LPA: variants seen among roughly 807,000 people sequenced by gnomAD.
LPA encodes apolipoprotein(a).
Under a neutral mutation model 197.9 loss-of-function variants are expected in LPA, and 199 were observed. That is an observed-to-expected ratio of 1.01 (90% CI 0.90 to 1.13). LPA has a LOEUF of 1.13. Ranked by LOEUF, LPA falls within the 50% of genes most tolerant of loss-of-function variation. LPA has a pLI of 0.00. For synonymous variants in LPA, 715 were observed against 639.5 expected (o/e 1.12, Z -1.78); for missense variants, 1,853 against 1,785.8 (o/e 1.04, Z -0.68).
chr6:160,610,455 G>T (rs931696411), intron 16 of LPA, among the ~76,000 whole-genome samples: 1 of 152,122 alleles, frequency 6.6e-6, no homozygotes, highest in Admixed American at 6.5e-5. Flanking sequence ...CATCTAGCTG[G>T]TAAGAACTCC....
chr6:160,600,760 C>A (rs537295658), intron 19 of LPA, among the ~76,000 whole-genome samples, 157 bp downstream of exon 19: 2 of 152,268 alleles, frequency 1.3e-5, no homozygotes, highest in Admixed American at 6.5e-5. Flanking sequence ...ACACCTCTGG[C>A]TCCCCCAGAG....
At chr6:160,558,081 G>C (rs1347454765) in intron 28 of LPA, among the ~76,000 whole-genome samples, 1 of 151,974 alleles carries the variant, frequency 6.6e-6, no homozygotes, top group Non-Finnish European at 1.5e-5. Context: ...CACCACGCCT[G>C]GCTAATTTTT....
chr6:160,581,797 T>C (rs1399869724), intron 26 of LPA, among the ~76,000 whole-genome samples: 1 of 152,174 alleles, frequency 6.6e-6, no homozygotes, highest in Non-Finnish European at 1.5e-5. Context: ...TAAAGATCAG[T>C]TTTGTGAAAA....
At position 160,576,779 on chromosome 6, in the gene LPA, G is replaced by A. The variant is rs1357058996; in HGVS notation, c.4631+357C>T. 6.2e-5 allele frequency among the ~76,000 whole-genome samples: 9 copies of A among 145,906 alleles called. No homozygotes were observed. In the East Asian group the frequency reaches 1.4e-3, roughly 23 times the overall value. On this transcript the variant is annotated intron_variant, in intron 28 of 38. Transcript: ENST00000316300. The stretch of plus-strand genomic sequence containing the variant: ...TGACAAAAATGGCAAACAAACCTTC[G>A]GGAATTGAAATTTAGAATGACAGAA...
At chr6:160,577,860 G>A (rs1308254722) in intron 27 of LPA, among the ~76,000 whole-genome samples, 1 of 152,170 alleles carries the variant, frequency 6.6e-6, no homozygotes, top group Non-Finnish European at 1.5e-5. Context: ...AGTGCCCAGA[G>A]TCCTGAATTG....
At chr6:160,600,892 G>A in intron 19 of LPA, 25 bp downstream of exon 19, 2 of 1,611,246 alleles carry the variant, frequency 1.2e-6, no homozygotes, top group South Asian at 1.1e-5. Context: ...ATCCAAGCAG[G>A]TAAATGTCTG....
intron 16 of LPA, among the ~76,000 whole-genome samples, chr6:160,609,449 C>T (rs1351313256): frequency 6.6e-6 from 1 of 152,090 alleles, no homozygotes; most frequent in East Asian, 1.9e-4. Context: ...TCCAGTTTCT[C>T]GTGAGATGTT....
chr6:160,548,048 G>T, intron 31 of LPA, 111 bp from the exon 32 acceptor site: 1 of 1,118,040 alleles, frequency 8.9e-7, no homozygotes, highest in Non-Finnish European at 1.3e-6. Context: ...TAGGACGACA[G>T]AATCAGGGGC....
intron 24 of LPA, among the ~76,000 whole-genome samples, chr6:160,588,615 T>G (rs1383248728): frequency 6.6e-6 from 1 of 152,184 alleles, no homozygotes; most frequent in Non-Finnish European, 1.5e-5. Flanking sequence ...GCCAAAGCCT[T>G]GAGGAGACTT....
intron 28 of LPA, among the ~76,000 whole-genome samples, chr6:160,565,264 A>G (rs1027979883): frequency 6.6e-6 from 1 of 152,106 alleles, no homozygotes; most frequent in Non-Finnish European, 1.5e-5. Context: ...TAACTGGGGG[A>G]CACCTCCCAG....
chr6:160,662,601 T>C (rs9347438), intron 1 of LPA, among the ~76,000 whole-genome samples: 75,801 of 151,940 alleles, frequency 0.5, 19,257 homozygotes, highest in Non-Finnish European at 0.55. Flanking sequence ...TTCACAGTGA[T>C]CTACATCCTA....
intron 26 of LPA, among the ~76,000 whole-genome samples, chr6:160,581,517 G>C (rs893591682): frequency 2.0e-5 from 3 of 152,042 alleles, no homozygotes; most frequent in African/African-American, 7.2e-5. Context: ...GCCCAGGCTT[G>C]TCTGCAACTC....
At chr6:160,585,741 C>A (rs906229481) in intron 25 of LPA, among the ~76,000 whole-genome samples, 1 of 152,020 alleles carries the variant, frequency 6.6e-6, no homozygotes, top group Non-Finnish European at 1.5e-5. Flanking sequence ...GGAGTACAGG[C>A]CAAAATTTTA....
intron 4 of LPA, among the ~76,000 whole-genome samples, chr6:160,641,074 A>G (rs1251296598): frequency 3.3e-4 from 46 of 139,224 alleles, no homozygotes; most frequent in African/African-American, 1.3e-3. Flanking sequence ...TAAAAAATCT[A>G]AAGTAGCAAA....
chr6:160,595,579 A>G (rs762092223), intron 20 of LPA, 44 bp from the exon 21 acceptor site: 1 of 1,613,570 alleles, frequency 6.2e-7, no homozygotes, highest in Admixed American at 1.7e-5. Flanking sequence ...ATGGGAGAAG[A>G]TTCAAGGGCA....
intron 19 of LPA, 53 bp downstream of exon 19, chr6:160,600,864 A>G (rs1779224648): frequency 1.3e-6 from 2 of 1,591,476 alleles, no homozygotes; most frequent in African/African-American, 1.3e-5. Context: ...GGGGGTATCC[A>G]TGGCTTTTCA....
chr6:160,579,796 T>G (rs936861397), intron 26 of LPA, among the ~76,000 whole-genome samples: 3 of 152,144 alleles, frequency 2.0e-5, no homozygotes, highest in Non-Finnish European at 4.4e-5. Flanking sequence ...GATCCCCCAT[T>G]TGAGGATGTT....
chr6:160,569,924 A>G (rs1344817598), intron 28 of LPA, among the ~76,000 whole-genome samples: 1 of 152,108 alleles, frequency 6.6e-6, no homozygotes, highest in Non-Finnish European at 1.5e-5. Context: ...GCAAATCAAA[A>G]CCACAATGAG....
At chr6:160,601,214 C>A (rs1313548560) in intron 18 of LPA, 116 bp from the exon 19 acceptor site, 4 of 855,164 alleles carry the variant, frequency 4.7e-6, no homozygotes, top group African/African-American at 3.3e-5. Flanking sequence ...AAAAGAGATA[C>A]CATACAATTG....
Sources: allele counts gnomAD v4.1 joint callset (sites outside exome capture counted in the v4.1 genomes callset), GRCh38; gene constraint gnomAD v4.1.1; transcripts MANE v1.5; gene names NCBI Gene and HGNC (gene_info 2026-07-23, HGNC 2026-07-21).